UBR3: variants seen among roughly 807,000 people sequenced by gnomAD.
UBR3 encodes the protein E3 ubiquitin-protein ligase UBR3.
In UBR3, 85 loss-of-function variants were observed where a neutral mutation model predicts 243.2. That is an observed-to-expected ratio of 0.35 (90% CI 0.29 to 0.42). UBR3 has a LOEUF of 0.42. Among genes scored for constraint, UBR3 ranks in the 10% least tolerant of loss-of-function variants. The pLI is 1.00. For missense variants in UBR3, 1,686 were observed against 2,300.8 expected (o/e 0.73, Z 5.47); for synonymous variants, 748 against 799.8 (o/e 0.94, Z 1.09).
At chr2:170,060,080 C>G (rs1209827361) in intron 33 of UBR3, among the ~76,000 whole-genome samples, 1 of 152,122 alleles carries the variant, frequency 6.6e-6, no homozygotes, top group African/African-American at 2.4e-5. Flanking sequence ...CTATCAGTGC[C>G]TTAAAAGTTT....
chr2:169,846,471 G>A (rs1380637989), intron 1 of UBR3, among the ~76,000 whole-genome samples: 2 of 152,052 alleles, frequency 1.3e-5, no homozygotes, highest in Admixed American at 6.6e-5. Context: ...CAGCACTTTG[G>A]GAGGCCAAGG....
intron 33 of UBR3, among the ~76,000 whole-genome samples, chr2:170,059,170 G>A (rs906690840): frequency 6.6e-6 from 1 of 152,064 alleles, no homozygotes; most frequent in African/African-American, 2.4e-5. Flanking sequence ...TTGTGAAGAA[G>A]TCTCAATACA....
In UBR3 at chr2:169,926,887, G is replaced by A; in HGVS notation, c.2254G>A (p.Val752Ile). The A allele has an allele frequency of 6.4e-7, 1 of 1,550,820 alleles. No homozygotes were observed. The highest frequency in any genetic ancestry group is 2.0e-5 in the Admixed American group (1 of 51,010). ...AATGGCATCACAACATCAAAATACAGTACTTGATGCAGAGCATGAGAGGTC... is the reference window on the plus strand; with the variant it reads ...AATGGCATCACAACATCAAAATACAATACTTGATGCAGAGCATGAGAGGTC... ...LTMASQHQNT[V>I]LDAEHERSML... Residue 752 changes from valine to isoleucine, a missense_variant, in exon 16 of 39, where the codon GTA becomes ATA. Val to Ile is a conservative substitution (Grantham distance 29). This residue lies in a region of UBR3 where 346 missense variants were observed against 585.8 expected (regional missense o/e 0.59). Transcript: ENST00000272793.
At chr2:169,861,726 G>A (rs1455738483) in intron 1 of UBR3, among the ~76,000 whole-genome samples, 1 of 151,768 alleles carries the variant, frequency 6.6e-6, no homozygotes, top group Non-Finnish European at 1.5e-5. Flanking sequence ...TTATGTTTAT[G>A]TAGTTATTAA....
chr2:170,036,423 T>C (rs1240159864), intron 31 of UBR3, among the ~76,000 whole-genome samples: 2 of 152,076 alleles, frequency 1.3e-5, no homozygotes, highest in Non-Finnish European at 2.9e-5. Context: ...GAAAGATCCA[T>C]TTCTCTCTCT....
chr2:169,941,532 A>G (rs1336873572), intron 19 of UBR3, among the ~76,000 whole-genome samples: 4 of 152,230 alleles, frequency 2.6e-5, no homozygotes, highest in Non-Finnish European at 4.4e-5. Context: ...GAAACTAGGT[A>G]TAAGGGGGAC....
At chr2:169,859,992 C>T (rs1412581566) in intron 1 of UBR3, among the ~76,000 whole-genome samples, 1 of 152,132 alleles carries the variant, frequency 6.6e-6, no homozygotes, top group Non-Finnish European at 1.5e-5. Flanking sequence ...GCTGGGATTA[C>T]AGGCGTGAGC....
intron 32 of UBR3, among the ~76,000 whole-genome samples, chr2:170,052,570 C>T (rs1404458154): frequency 6.6e-6 from 1 of 152,136 alleles, no homozygotes; most frequent in East Asian, 1.9e-4. Context: ...ACCCATAGGA[C>T]ATTATGCTAA....
intron 20 of UBR3, among the ~76,000 whole-genome samples, chr2:169,945,163 G>T (rs1215278059): frequency 6.6e-6 from 1 of 150,510 alleles, no homozygotes; most frequent in Non-Finnish European, 1.5e-5. Flanking sequence ...TTTTTGGTTG[G>T]GGATGGGACA....
At chr2:169,966,833 A>AT (rs2087833257) in intron 24 of UBR3, among the ~76,000 whole-genome samples, 1 of 152,154 alleles carries the variant, frequency 6.6e-6, no homozygotes. Context: ...CATCATTTTT[A>AT]TTCTACAGCT....
chr2:169,972,467 A>C (rs966459603), intron 24 of UBR3, among the ~76,000 whole-genome samples: 2 of 152,242 alleles, frequency 1.3e-5, no homozygotes, highest in African/African-American at 4.8e-5. Flanking sequence ...ACAAAAAAAG[A>C]GAATTTTAGA....
intron 22 of UBR3, 71 bp from the exon 23 acceptor site, chr2:169,949,534 A>G (rs2105361310): frequency 7.7e-7 from 1 of 1,296,028 alleles, no homozygotes; most frequent in Non-Finnish European, 1.0e-6. Context: ...AAAATATAGT[A>G]CTAATATGTT....
rs539111571 is a variant in UBR3 at position 169,871,942 on chromosome 2, C to T, written c.546-294C>T. On this transcript the variant is annotated intron_variant, in intron 1 of 38. Coordinates refer to ENST00000272793, the MANE Select transcript of UBR3 (RefSeq NM_172070.4). ...AAAGAGTGGAAGTCATAAAGTGGTA[C>T]CTGAAAGTAATAAATTTCAGTTAAA... Among the ~76,000 whole-genome samples, 6 of 151,866 alleles carry T rather than the reference C, an allele frequency of 4.0e-5. No homozygotes were observed. In the East Asian group the frequency reaches 9.7e-4, roughly 24 times the overall value.
intron 24 of UBR3, among the ~76,000 whole-genome samples, chr2:169,970,684 A>G (rs2088092254): frequency 1.6e-5 from 2 of 122,600 alleles, no homozygotes; most frequent in South Asian, 2.9e-4. Flanking sequence ...ATAGTATTCC[A>G]TGGTGTATAT....
intron 1 of UBR3, among the ~76,000 whole-genome samples, chr2:169,846,987 C>A (rs2082501623): frequency 1.3e-5 from 2 of 152,144 alleles, no homozygotes; most frequent in African/African-American, 4.8e-5. Context: ...CTGCTGGCCC[C>A]TTGGCCTTTC....
chr2:170,008,977 C>G (rs1448449805), intron 29 of UBR3, 37 bp downstream of exon 29: 1 of 1,276,356 alleles, frequency 7.8e-7, no homozygotes, highest in Admixed American at 2.8e-5. Context: ...AGTTTACTTA[C>G]TATTAATAGT....
Position 169,905,113 on chromosome 2 carries a change from G to T in UBR3, c.1466-1G>T. 1 of 1,447,298 alleles carries T rather than the reference G, an allele frequency of 6.9e-7. No homozygotes were observed. Among genetic ancestry groups the T allele is most frequent in the South Asian group, 1.6e-5 (1 of 62,822 alleles). The allele number at this position is 1,447,298 out of a possible 1,614,324, so 89.7% of individuals were successfully genotyped here. ...TTTGGGTTGTGTGTGTCTTTTTTTA[G>T]ATGAAGAAAATAGTTTACATGTGGT... On this transcript the variant is annotated splice_acceptor_variant, in intron 8 of 38. Transcript: ENST00000272793. LOFTEE classifies it high-confidence loss of function.
At chr2:169,973,192 G>A in intron 24 of UBR3, among the ~76,000 whole-genome samples, 1 of 120,388 alleles carries the variant, frequency 8.3e-6, no homozygotes, top group African/African-American at 3.1e-5. Flanking sequence ...AAAATACCTA[G>A]GAATCCAACT....
chr2:169,858,477 G>A (rs566324245), intron 1 of UBR3, among the ~76,000 whole-genome samples: 3 of 152,064 alleles, frequency 2.0e-5, no homozygotes, highest in East Asian at 3.9e-4. Context: ...GCCACCACAC[G>A]GGCTTGAAAG....
Sources: gnomAD v4.1 joint callset for allele counts (sites outside exome capture counted in the v4.1 genomes callset) on GRCh38, gnomAD v4.1.1 for gene constraint, gnomAD v4.1.1 regional missense constraint, MANE v1.5 for transcripts, NCBI Gene and HGNC (gene_info 2026-07-23, HGNC 2026-07-21) for gene names.